The following IGF1R variants were observed in gnomAD, a reference collection of about 807,000 sequenced individuals.
The protein encoded by IGF1R is insulin like growth factor 1 receptor.
Under a neutral mutation model 144.6 loss-of-function variants are expected in IGF1R, and 44 were observed. The ratio of observed to expected loss-of-function variants is 0.30; its 90% CI spans 0.24 to 0.39. The LOEUF (loss-of-function observed/expected upper bound fraction) is 0.39, where lower values mean the gene tolerates loss of function less well. IGF1R is among the 10% of genes least tolerant of loss of function. The pLI is 1.00. For synonymous variants in IGF1R, 795 were observed against 722.8 expected, an observed-to-expected ratio of 1.10 and a Z score of -1.60; for missense variants, 1,355 against 1,833.7, an observed-to-expected ratio of 0.74 and a Z score of 4.77.
chr15:98,851,089 C>T (rs1005551439), intron 2 of IGF1R, among the ~76,000 whole-genome samples: 1 of 152,134 alleles, frequency 6.6e-6, no homozygotes, highest in African/African-American at 2.4e-5. Flanking sequence ...CAAGGGAAGC[C>T]GTGGAGAACA....
At position 98,959,854 on chromosome 15, in the gene IGF1R, T is replaced by TA. The variant is rs398028512; in HGVS notation, c.*2426dup. 0.16 allele frequency: 35,007 copies of TA among 216,800 alleles called. 2,088 individuals are homozygous for TA. Among genetic ancestry groups the TA allele is most frequent in the East Asian group, 0.33 (5,088 of 15,238 alleles). The allele number at this position is 216,800 out of a possible 1,614,324, so 13.4% of individuals were successfully genotyped here. On this transcript the variant is annotated 3_prime_UTR_variant, in exon 21 of 21. Coordinates refer to ENST00000650285, the MANE Select transcript of IGF1R (RefSeq NM_000875.5). ...TCTCTATCCCATAGCGTGTTCCCTT[T>TA]AAAAAAAAAAAAAAGGTATTATATG...
At chr15:98,931,840 A>C (rs2015954217) in intron 15 of IGF1R, among the ~76,000 whole-genome samples, 1 of 152,216 alleles carries the variant, frequency 6.6e-6, no homozygotes, top group Non-Finnish European at 1.5e-5. Flanking sequence ...CTATAGAGCG[A>C]GACTGGCTCT....
At chr15:98,910,815 A>G (rs1461491851) in intron 6 of IGF1R, among the ~76,000 whole-genome samples, 1 of 152,198 alleles carries the variant, frequency 6.6e-6, no homozygotes, top group Non-Finnish European at 1.5e-5. Context: ...GTTTAGACCA[A>G]GAAAAGTTCC....
At chr15:98,866,307 A>G (rs1341496484) in intron 2 of IGF1R, among the ~76,000 whole-genome samples, 2 of 152,222 alleles carry the variant, frequency 1.3e-5, no homozygotes, top group African/African-American at 4.8e-5. Flanking sequence ...ATCCTGATTT[A>G]AATCTGCAGC....
intron 2 of IGF1R, among the ~76,000 whole-genome samples, chr15:98,882,847 A>G (rs1289033349): frequency 6.6e-6 from 1 of 152,146 alleles, no homozygotes; most frequent in African/African-American, 2.4e-5. Flanking sequence ...TTGGGAGAAA[A>G]TGAGAGCTTT....
intron 2 of IGF1R, among the ~76,000 whole-genome samples, chr15:98,793,465 C>G (rs1002274701): frequency 2.6e-5 from 4 of 152,192 alleles, no homozygotes; most frequent in Non-Finnish European, 4.4e-5. Flanking sequence ...CCCTTTAAGT[C>G]ACAGACTCAA....
intron 2 of IGF1R, among the ~76,000 whole-genome samples, chr15:98,722,469 A>G (rs2054268194): frequency 6.6e-6 from 1 of 152,166 alleles, no homozygotes; most frequent in African/African-American, 2.4e-5. Context: ...TGGAATGTGG[A>G]GTATACTATT....
intron 1 of IGF1R, among the ~76,000 whole-genome samples, chr15:98,700,604 A>G (rs2053705849): frequency 6.6e-6 from 1 of 152,184 alleles, no homozygotes; most frequent in Non-Finnish European, 1.5e-5. Flanking sequence ...TCCTACAAGC[A>G]AAGTGAAGTT....
chr15:98,916,289 T>G (rs1596445891), intron 9 of IGF1R, among the ~76,000 whole-genome samples, 158 bp downstream of exon 9: 1 of 136,606 alleles, frequency 7.3e-6, no homozygotes. Flanking sequence ...TGAGACAGAG[T>G]CTCACTCTGT....
chr15:98,765,367 G>A (rs1303259630), intron 2 of IGF1R, among the ~76,000 whole-genome samples: 2 of 141,610 alleles, frequency 1.4e-5, no homozygotes, highest in Admixed American at 7.6e-5. Flanking sequence ...CCCAGGCTGG[G>A]GTGCAGTCTT....
At position 98,962,062 on chromosome 15, in the gene IGF1R, C is replaced by T. The variant is rs922007359; in HGVS notation, c.*4620C>T. On this transcript the variant is annotated 3_prime_UTR_variant, in exon 21 of 21. Transcript: ENST00000650285. ...TGTTCCACTGAAGCTTTTCCCACAG[C>T]AGTCCACCTCTGCAGGCTGGCAGCC... The T allele has an allele frequency of 8.6e-6, 2 of 233,368 alleles. No individual in the cohort carries two copies. Among genetic ancestry groups the T allele is most frequent in the South Asian group, 3.6e-4 (2 of 5,526 alleles). 14.5% of individuals were successfully genotyped at this position (233,368 alleles called of 1,614,324 possible).
chr15:98,806,728 C>T (rs969304736), intron 2 of IGF1R, among the ~76,000 whole-genome samples: 1 of 152,130 alleles, frequency 6.6e-6, no homozygotes, highest in Non-Finnish European at 1.5e-5. Flanking sequence ...AAGAAACACC[C>T]GTTCTCTGGC....
chr15:98,928,053 A>G (rs1206804696), intron 13 of IGF1R, among the ~76,000 whole-genome samples: 1 of 151,834 alleles, frequency 6.6e-6, no homozygotes, highest in Non-Finnish European at 1.5e-5. Flanking sequence ...AGCATCCTTC[A>G]CTCTTCTTTC....
chr15:98,750,854 A>G (rs2054992859), intron 2 of IGF1R, among the ~76,000 whole-genome samples: 1 of 152,024 alleles, frequency 6.6e-6, no homozygotes, highest in Non-Finnish European at 1.5e-5. Context: ...TGGCGTGATC[A>G]CTACTCACTG....
chr15:98,674,435 C>T (rs145891626), intron 1 of IGF1R, among the ~76,000 whole-genome samples: 1 of 152,320 alleles, frequency 6.6e-6, no homozygotes, highest in Non-Finnish European at 1.5e-5. Context: ...CCAGTTACTT[C>T]TTTTCCAGAA....
intron 1 of IGF1R, among the ~76,000 whole-genome samples, chr15:98,656,421 T>G (rs1248364489): frequency 3.3e-5 from 5 of 152,110 alleles, no homozygotes; most frequent in African/African-American, 1.2e-4. Flanking sequence ...TGGTGGCCCG[T>G]GCCTATAATC....
Position 98,899,474 on chromosome 15 carries a change from T to C in IGF1R, c.1103-3T>C. 1 of 1,614,072 alleles carries C rather than the reference T, an allele frequency of 6.2e-7. No individual in the cohort carries two copies. The highest frequency in any genetic ancestry group is 2.2e-5 in the East Asian group (1 of 44,880). On this transcript the variant is annotated splice_region_variant and splice_polypyrimidine_tract_variant and intron_variant, in intron 4 of 20. Coordinates refer to ENST00000650285, the MANE Select transcript of IGF1R (RefSeq NM_000875.5). ...ACAGTGACACAATCCCCTTTCAATG[T>C]AGATAACATTGCTTCAGAGCTGGAG...
chr15:98,930,103 A>G (rs1285158581), intron 14 of IGF1R, 132 bp from the exon 15 acceptor site: 4 of 736,898 alleles, frequency 5.4e-6, no homozygotes, highest in African/African-American at 1.7e-5. Flanking sequence ...TGCTGTAGAC[A>G]GTAAGCTCTC....
chr15:98,685,770 C>T (rs2053311969), intron 1 of IGF1R, among the ~76,000 whole-genome samples: 1 of 152,218 alleles, frequency 6.6e-6, no homozygotes, highest in Non-Finnish European at 1.5e-5. Context: ...ATCAGCGGCT[C>T]ACCACTCCAC....
Sources: gnomAD v4.1 joint callset for allele counts (sites outside exome capture counted in the v4.1 genomes callset) on GRCh38, gnomAD v4.1.1 for gene constraint, MANE v1.5 for transcripts, NCBI Gene and HGNC (gene_info 2026-07-23, HGNC 2026-07-21) for gene names.